The following PLA2G2A variants were observed in gnomAD, a reference collection of about 807,000 sequenced individuals.
PLA2G2A encodes phospholipase A2 group IIA.
In PLA2G2A, 6 loss-of-function variants were observed where a neutral mutation model predicts 11.2. That is an observed-to-expected ratio of 0.54 (90% CI 0.29 to 1.06). The LOEUF (loss-of-function observed/expected upper bound fraction) is 1.06. PLA2G2A is among the 50% of genes least tolerant of loss of function. The pLI is 0.08. For missense variants in PLA2G2A, 133 were observed against 177.1 expected, an observed-to-expected ratio of 0.75 and a Z score of 1.41; for synonymous variants, 69 against 65.8, an observed-to-expected ratio of 1.05 and a Z score of -0.23.
chr1:19,978,972 T>TTCAC, intron 1 of PLA2G2A, 93 bp from the exon 2 acceptor site: 1 of 439,318 alleles, frequency 2.3e-6, no homozygotes, highest in East Asian at 4.7e-5. Context: ...CCTCCAGCAA[T>TTCAC]GCACACACAC....
downstream of PLA2G2A, chr1:19,975,501 T>C (rs116241550): frequency 7.9e-4 from 489 of 615,962 alleles, 1 homozygote; most frequent in African/African-American, 8.0e-3. Flanking sequence ...AAGCACGGAG[T>C]TGAGGTGGAG....
chr1:19,979,982 G>A (rs565555329), upstream of PLA2G2A, among the ~76,000 whole-genome samples: 2 of 152,312 alleles, frequency 1.3e-5, no homozygotes, highest in East Asian at 1.9e-4. Flanking sequence ...CACACCCAAA[G>A]GGACTACCAA....
chr1:19,978,346 G>T, intron 3 of PLA2G2A, 34 bp downstream of exon 3: 1 of 1,607,402 alleles, frequency 6.2e-7, no homozygotes, highest in Non-Finnish European at 8.5e-7. Context: ...CTGGGCCAGA[G>T]TCTAGGAGGG....
chr1:19,978,354 G>A lies in PLA2G2A; in HGVS notation c.185+26C>T, dbSNP rs200556518. The A allele has an allele frequency of 1.6e-3, 2,597 of 1,609,454 alleles. 9 individuals carry two copies. The highest frequency in any genetic ancestry group is 0.011 in the Middle Eastern group (56 of 4,988). ...GCCCTGCCTGGGCCAGAGTCTAGGA[G>A]GGTAGGGAGGGATAGGTGGCCTCAC... On this transcript the variant is annotated intron_variant, in intron 3 of 4. Transcript: ENST00000482011.
At chr1:19,980,360 A>C (rs1229956259), upstream of PLA2G2A, 1 of 152,140 alleles carries the variant, frequency 6.6e-6, no homozygotes, top group Non-Finnish European at 1.5e-5. Flanking sequence ...CCCCATCCTC[A>C]CCTGTTTGGA....
At chr1:19,976,781 C>T (rs1427336520) in intron 4 of PLA2G2A, among the ~76,000 whole-genome samples, 1 of 152,160 alleles carries the variant, frequency 6.6e-6, no homozygotes, top group African/African-American at 2.4e-5. Flanking sequence ...TCTTTGCCTC[C>T]TGTCTTTATT....
Position 19,975,927 on chromosome 1 carries a change from A to C in PLA2G2A, c.293-84T>G, listed in dbSNP as rs1180812306. 3.4e-6 allele frequency: 4 copies of C among 1,169,548 alleles called. No individual in the cohort carries two copies. In the African/African-American group the frequency reaches 4.5e-5, roughly 13 times the overall value. The allele number at this position is 1,169,548 out of a possible 1,614,324, so 72.4% of individuals were successfully genotyped here. ...GTGGGAACCCTGGGGTAGAAGACAC[A>C]GCCCTGTCCTCCAGAAGCTCCTAGT... On this transcript the variant is annotated intron_variant, in intron 4 of 4. Coordinates refer to ENST00000482011, the Ensembl canonical transcript of PLA2G2A.
chr1:19,977,680 C>T (rs2046239231), intron 4 of PLA2G2A, among the ~76,000 whole-genome samples: 1 of 152,238 alleles, frequency 6.6e-6, no homozygotes, highest in Non-Finnish European at 1.5e-5. Flanking sequence ...GAATGGCTTA[C>T]AGTGCCCTTT....
chr1:19,978,649 T>G, intron 2 of PLA2G2A, 85 bp downstream of exon 2: 1 of 1,595,352 alleles, frequency 6.3e-7, no homozygotes, highest in South Asian at 1.1e-5. Flanking sequence ...AGAGGATCAC[T>G]GCAATGGGAG....
chr1:19,978,167 A>G, intron 3 of PLA2G2A, 46 bp from the exon 4 acceptor site: 3 of 1,444,802 alleles, frequency 2.1e-6, no homozygotes, highest in Non-Finnish European at 2.0e-6. Flanking sequence ...CAGCTCCAGG[A>G]GGCCTGGTGC....
chr1:19,975,686 C>G (rs1259881923), exon 5 of PLA2G2A: 1 of 1,612,336 alleles, frequency 6.2e-7, no homozygotes, highest in Non-Finnish European at 8.5e-7. Context: ...GGAAGGTTTC[C>G]AGGGAAGAGG....
At chr1:19,977,096 T>C (rs1035890354) in intron 4 of PLA2G2A, among the ~76,000 whole-genome samples, 9 of 152,172 alleles carry the variant, frequency 5.9e-5, no homozygotes, top group African/African-American at 2.2e-4. Flanking sequence ...GGCTTCTGAA[T>C]CTGTGTCCCA....
Position 19,978,860 on chromosome 1 carries a change from C to A in PLA2G2A, c.-87G>T, listed in dbSNP as rs1333139006. 30 of 1,234,276 alleles carry A rather than the reference C, an allele frequency of 2.4e-5. No individual in the cohort carries two copies. In the East Asian group the frequency reaches 6.7e-4, roughly 28 times the overall value. The allele number at this position is 1,234,276 out of a possible 1,614,324, so 76.5% of individuals were successfully genotyped here. ...CAACTTCTGCCCCGGCCGTCGCTCC[C>A]CTGCTCCTCCTTGGTGGCTCTGAGA... is the stretch of plus-strand genomic sequence containing the variant. On this transcript the variant is annotated 5_prime_UTR_variant, in exon 2 of 5. Transcript: ENST00000482011.
At chr1:19,978,810 G>A (rs1387795994) in exon 2 of PLA2G2A, 1 of 1,608,712 alleles carries the variant, frequency 6.2e-7, no homozygotes, top group South Asian at 1.1e-5. Context: ...AGATGGACTG[G>A]CCTAGCTCCT....
chr1:19,978,402 A>T (rs751929615), exon 3 of PLA2G2A: 58 of 1,613,164 alleles, frequency 3.6e-5, no homozygotes, highest in Middle Eastern at 1.8e-4. Flanking sequence ...TCCTTGGGGG[A>T]TCCTCTGCCA....
Position 19,978,010 on chromosome 1 carries a change from C to A in PLA2G2A, c.292+5G>T. On this transcript the variant is annotated splice_donor_5th_base_variant and intron_variant, in intron 4 of 4. Coordinates refer to ENST00000482011, the Ensembl canonical transcript of PLA2G2A. Reference sequence around the variant, plus strand: ...GGCCACTCGATGGTGAGGTAGGACTCTTACCACAGGTGATTCTGCTCCCCG... The same window carrying A: ...GGCCACTCGATGGTGAGGTAGGACTATTACCACAGGTGATTCTGCTCCCCG... 6.4e-7 allele frequency: 1 copy of A among 1,569,182 alleles called. No homozygotes were observed. Among genetic ancestry groups the A allele is most frequent in the Non-Finnish European group, 8.8e-7 (1 of 1,138,872 alleles).
At chr1:19,980,357 C>T (rs1276105773), upstream of PLA2G2A, 1 of 152,428 alleles carries the variant, frequency 6.6e-6, no homozygotes, top group African/African-American at 2.4e-5. Context: ...ATTCCCCATC[C>T]TCACCTGTTT....
In PLA2G2A at chr1:19,978,887, A is replaced by T. The variant is rs2046263528; in HGVS notation, c.-106-8T>A. 1 of 938,336 alleles carries T rather than the reference A, an allele frequency of 1.1e-6. No homozygotes were observed. Among genetic ancestry groups the T allele is most frequent in the East Asian group, 2.4e-5 (1 of 41,382 alleles). 58.1% of individuals were successfully genotyped at this position (938,336 alleles called of 1,614,324 possible). Reference sequence around the variant, plus strand: ...TGCTCCTCCTTGGTGGCTCTGAGACACACAGACATGCTCTCCCATCCAACC... The same window carrying T: ...TGCTCCTCCTTGGTGGCTCTGAGACTCACAGACATGCTCTCCCATCCAACC... On this transcript the variant is annotated splice_region_variant and splice_polypyrimidine_tract_variant and intron_variant, in intron 1 of 4. Transcript: ENST00000482011.
exon 3 of PLA2G2A, chr1:19,978,439 G>A (rs1463325069): frequency 1.2e-6 from 2 of 1,613,876 alleles, no homozygotes; most frequent in South Asian, 1.1e-5. Context: ...AGCCGTAGAA[G>A]CCATAACTGA....
Sources: allele counts gnomAD v4.1 joint callset (sites outside exome capture counted in the v4.1 genomes callset), GRCh38; gene constraint gnomAD v4.1.1; transcripts MANE v1.5; gene names NCBI Gene and HGNC (gene_info 2026-07-23, HGNC 2026-07-21).